ZNF704: variants seen among roughly 807,000 people sequenced by gnomAD.
The protein encoded by ZNF704 is zinc finger protein 704, also known as glucocorticoid induced gene 1.
ZNF704 carries 10 observed loss-of-function variants against 44.7 expected under a neutral mutation model. The ratio of observed to expected loss-of-function variants is 0.22; its 90% confidence interval spans 0.14 to 0.38. The LOEUF (loss-of-function observed/expected upper bound fraction) is 0.38. Among genes scored for constraint, ZNF704 ranks in the 10% least tolerant of loss-of-function variants. The probability of loss-of-function intolerance (pLI) is 1.00; values close to 1 mark genes in which losing one functional copy is unlikely to be tolerated. For missense variants in ZNF704, 390 were observed against 545.5 expected (o/e 0.71, Z 2.84); for synonymous variants, 211 against 207.6 (o/e 1.02, Z -0.14).
At chr8:80,663,941 C>T (rs1364843643) in intron 6 of ZNF704, among the ~76,000 whole-genome samples, 1 of 151,612 alleles carries the variant, frequency 6.6e-6, no homozygotes, top group African/African-American at 2.4e-5. Context: ...ATGTTGCCCA[C>T]GCTGGTCTCG....
rs546407737 is a variant in ZNF704 at position 80,852,019 on chromosome 8, G to A, written c.-22+22552C>T. ...CCTTTAGCCATACAAAGGGTGGAAC[G>A]AACTTTTCTGGTAAGTGAATCTAGA... On this transcript the variant is annotated intron_variant, in intron 1 of 8. Coordinates refer to ENST00000327835, the MANE Select transcript of ZNF704 (RefSeq NM_001033723.3). Among the ~76,000 whole-genome samples the A allele has an allele frequency of 4.6e-5, 7 of 152,228 alleles. 1 individual carries two copies. In the South Asian group the frequency reaches 8.3e-4, roughly 18 times the overall value.
chr8:80,794,896 C>A (rs1230253280), intron 2 of ZNF704, among the ~76,000 whole-genome samples: 1 of 152,164 alleles, frequency 6.6e-6, no homozygotes, highest in Non-Finnish European at 1.5e-5. Flanking sequence ...GAGTAGAATT[C>A]TGAGGAACTT....
chr8:80,716,801 T>C (rs916529046), intron 2 of ZNF704, among the ~76,000 whole-genome samples: 7 of 152,228 alleles, frequency 4.6e-5, no homozygotes, highest in Non-Finnish European at 8.8e-5. Flanking sequence ...CAGACTGGGA[T>C]TATACTATTC....
At chr8:80,689,044 T>G (rs1818588916) in intron 3 of ZNF704, among the ~76,000 whole-genome samples, 2 of 152,106 alleles carry the variant, frequency 1.3e-5, no homozygotes, top group African/African-American at 4.8e-5. Context: ...ACGACCTTAA[T>G]TAGCATTTAT....
intron 2 of ZNF704, among the ~76,000 whole-genome samples, chr8:80,725,782 A>G (rs957159068): frequency 6.6e-6 from 1 of 152,234 alleles, no homozygotes; most frequent in Non-Finnish European, 1.5e-5. Context: ...TATGAATTCT[A>G]AACACATCTG....
intron 1 of ZNF704, among the ~76,000 whole-genome samples, chr8:80,837,547 G>T (rs1219349402): frequency 6.6e-6 from 1 of 152,070 alleles, no homozygotes; most frequent in African/African-American, 2.4e-5. Context: ...GTTAGGGGCA[G>T]ACCATCGAGC....
chr8:80,879,622 C>G (rs1809400252), upstream of ZNF704, among the ~76,000 whole-genome samples: 1 of 152,124 alleles, frequency 6.6e-6, no homozygotes, highest in African/African-American at 2.4e-5. Context: ...GCCTTCCCTG[C>G]TTCGTTGGGA....
intron 2 of ZNF704, among the ~76,000 whole-genome samples, chr8:80,782,216 C>T (rs1807538495): frequency 6.6e-6 from 1 of 152,178 alleles, no homozygotes; most frequent in Non-Finnish European, 1.5e-5. Context: ...TAACAGAAAT[C>T]CATGACAGAA....
chr8:80,710,839 C>G (rs913805802), intron 2 of ZNF704, among the ~76,000 whole-genome samples: 3 of 152,320 alleles, frequency 2.0e-5, no homozygotes, highest in African/African-American at 7.2e-5. Context: ...CAGACTAAGA[C>G]AGCGGTTTTC....
intron 2 of ZNF704, among the ~76,000 whole-genome samples, chr8:80,741,705 A>G (rs778527443): frequency 6.6e-6 from 1 of 152,206 alleles, no homozygotes; most frequent in African/African-American, 2.4e-5. Context: ...AAGATAGAAC[A>G]TAACTGTCAA....
intron 2 of ZNF704, among the ~76,000 whole-genome samples, chr8:80,794,591 TATTCTC>T (rs1275394446): frequency 6.6e-6 from 1 of 152,206 alleles, no homozygotes; most frequent in Non-Finnish European, 1.5e-5. Flanking sequence ...ATGTCTAACT[TATTCTC>T]AGGAAAAAAG....
intron 1 of ZNF704, among the ~76,000 whole-genome samples, chr8:80,849,371 ATG>A (rs1808820205): frequency 6.6e-6 from 1 of 152,180 alleles, no homozygotes; most frequent in African/African-American, 2.4e-5. Context: ...AGATCCTACT[ATG>A]TTACCTTTCC....
At chr8:80,771,532 T>G (rs979776149) in intron 2 of ZNF704, among the ~76,000 whole-genome samples, 2 of 152,172 alleles carry the variant, frequency 1.3e-5, no homozygotes, top group African/African-American at 4.8e-5. Context: ...TGCAACTGAT[T>G]TTTGTGTTTA....
At position 80,672,838 on chromosome 8, in the gene ZNF704, C is replaced by T. The variant is rs372492578; in HGVS notation, c.559-2235G>A. On this transcript the variant is annotated intron_variant, in intron 4 of 8. Coordinates refer to ENST00000327835, the MANE Select transcript of ZNF704 (RefSeq NM_001033723.3). ...ATGTTCACTACCTGGGTGATAGGCT[C>T]AATTGTATCCCAAACCCCAGCATCA... Among the ~76,000 whole-genome samples, 39 of 151,980 alleles carry T rather than the reference C, an allele frequency of 2.6e-4. 1 individual carries two copies. The highest frequency in any genetic ancestry group is 3.4e-3 in the Middle Eastern group (1 of 292).
chr8:80,681,611 T>C (rs1432858346), intron 4 of ZNF704, among the ~76,000 whole-genome samples: 1 of 152,136 alleles, frequency 6.6e-6, no homozygotes. Context: ...TTCATTTTAT[T>C]CTGTGAAAAT....
chr8:80,744,461 A>G (rs936809639), intron 2 of ZNF704, among the ~76,000 whole-genome samples: 4 of 152,208 alleles, frequency 2.6e-5, no homozygotes, highest in Non-Finnish European at 4.4e-5. Flanking sequence ...TAATCACATC[A>G]TTAAATATAG....
chr8:80,680,142 T>C (rs996627990), intron 4 of ZNF704, among the ~76,000 whole-genome samples: 5 of 152,136 alleles, frequency 3.3e-5, no homozygotes, highest in East Asian at 1.9e-4. Flanking sequence ...AGGATTGATA[T>C]AGTGACTGCT....
chr8:80,704,202 T>C (rs1278575270), intron 2 of ZNF704, among the ~76,000 whole-genome samples: 1 of 152,200 alleles, frequency 6.6e-6, no homozygotes, highest in African/African-American at 2.4e-5. Context: ...GCTGGACTTC[T>C]TGATGTGAGC....
chr8:80,708,841 CT>C (rs547908173), intron 2 of ZNF704, among the ~76,000 whole-genome samples: 10,538 of 144,620 alleles, frequency 0.073, 1,180 homozygotes, highest in African/African-American at 0.24. Flanking sequence ...GTCTTCTTTC[CT>C]TTTTTTTTTT....
Sources: allele counts gnomAD v4.1 joint callset (sites outside exome capture counted in the v4.1 genomes callset), GRCh38; gene constraint gnomAD v4.1.1; transcripts MANE v1.5; gene names NCBI Gene and HGNC (gene_info 2026-07-23, HGNC 2026-07-21).